The following UEVLD variants were observed in gnomAD, a reference collection of about 807,000 sequenced individuals.
The protein encoded by UEVLD is ubiquitin-conjugating enzyme E2 variant 3.
In UEVLD, 47 loss-of-function variants were observed where a neutral mutation model predicts 58.6. The observed-to-expected ratio is 0.80, with a 90% confidence interval of 0.63 to 1.02. The LOEUF (loss-of-function observed/expected upper bound fraction) is 1.02, where lower values mean the gene tolerates loss of function less well. UEVLD is among the 50% of genes least tolerant of loss of function. The probability of loss-of-function intolerance (pLI) is 0.00; values close to 1 mark genes in which losing one functional copy is unlikely to be tolerated. For missense variants in UEVLD, 510 were observed against 550.6 expected (o/e 0.93, Z 0.74); for synonymous variants, 197 against 195.3 (o/e 1.01, Z -0.07).
intron 9 of UEVLD, among the ~76,000 whole-genome samples, chr11:18,541,057 T>C (rs1161742500): frequency 6.6e-6 from 1 of 152,214 alleles, no homozygotes; most frequent in East Asian, 1.9e-4. Context: ...TATTAGATTG[T>C]TTTTTTCCTT....
chr11:18,541,322 A>G (rs984997668), intron 9 of UEVLD, among the ~76,000 whole-genome samples: 3 of 152,236 alleles, frequency 2.0e-5, no homozygotes, highest in African/African-American at 7.2e-5. Context: ...AATCATTGGT[A>G]AGTAAAAGGG....
chr11:18,547,509 G>A (rs1448151818), intron 7 of UEVLD, among the ~76,000 whole-genome samples: 1 of 152,176 alleles, frequency 6.6e-6, no homozygotes, highest in Non-Finnish European at 1.5e-5. Flanking sequence ...TCGTGACAGA[G>A]TGAGACTCTG....
intron 4 of UEVLD, among the ~76,000 whole-genome samples, chr11:18,567,299 G>A (rs1852347358): frequency 6.6e-6 from 1 of 152,130 alleles, no homozygotes; most frequent in Non-Finnish European, 1.5e-5. Context: ...AATCCCAAAT[G>A]GTTGTTATGA....
intron 1 of UEVLD, among the ~76,000 whole-genome samples, chr11:18,586,463 C>T (rs1853567591): frequency 6.6e-6 from 1 of 152,094 alleles, no homozygotes; most frequent in Non-Finnish European, 1.5e-5. Flanking sequence ...GTGATCTACC[C>T]GCCTCGGTCT....
At chr11:18,572,080 C>T (rs1295957908) in intron 3 of UEVLD, among the ~76,000 whole-genome samples, 1 of 151,792 alleles carries the variant, frequency 6.6e-6, no homozygotes, top group African/African-American at 2.4e-5. Flanking sequence ...ACTAAAAATA[C>T]AAAAAATTAG....
At position 18,570,265 on chromosome 11, in the gene UEVLD, A is replaced by T; in HGVS notation, c.306T>A (p.His102Gln). The change falls in exon 4 of 12, where the codon CAT becomes CAA. Residue 102 changes from histidine (H) to glutamine (Q), a missense_variant. His to Gln is a conservative substitution (Grantham distance 24). Transcript: ENST00000396197. ...AATATATTCTGCCTTGAGCATCCAC[A>T]TGTTTTCCGACTAAGATTCCCATAT... is the stretch of plus-strand genomic sequence containing the variant. The part of the protein sequence containing the change: ...TANMGILVGK[H>Q]VDAQGRIYLP... 1 of 1,607,062 alleles carries T rather than the reference A, an allele frequency of 6.2e-7. No homozygotes were observed. Among genetic ancestry groups the T allele is most frequent in the Non-Finnish European group, 8.5e-7 (1 of 1,177,712 alleles).
chr11:18,579,553 C>T, intron 1 of UEVLD: 2 of 944,640 alleles, frequency 2.1e-6, no homozygotes, highest in Non-Finnish European at 2.5e-6. Context: ...ACCTTCCTGG[C>T]ACTGCATCCT....
rs546060237 is a variant in UEVLD at position 18,544,642 on chromosome 11, G to A, written c.1041C>T (p.Gly347=). The change falls in exon 9 of 12, where the codon GGC becomes GGT. Residue 347 remains glycine (G), a synonymous_variant. Transcript: ENST00000396197. The stretch of plus-strand genomic sequence containing the variant: ...TCTTACCTTTGTCTTCTCCTTGCTC[G>A]CCAATAACCCATACTTCTTTGCCTG... ...QTSGKEVWVI[G]EQGEDKVLTW... is the part of the protein sequence containing the mutation. The A allele has an allele frequency of 1.0e-5, 16 of 1,592,798 alleles. No homozygotes were observed. Among genetic ancestry groups the A allele is most frequent in the Middle Eastern group, 1.7e-4 (1 of 6,016 alleles).
At chr11:18,585,432 C>A (rs1293406805) in intron 1 of UEVLD, among the ~76,000 whole-genome samples, 2 of 152,144 alleles carry the variant, frequency 1.3e-5, no homozygotes, top group Non-Finnish European at 2.9e-5. Flanking sequence ...ACTTGTCTCT[C>A]CATTCTCCTT....
chr11:18,532,560 C>T, intron 11 of UEVLD, 73 bp from the exon 12 acceptor site: 1 of 1,269,038 alleles, frequency 7.9e-7, no homozygotes, highest in East Asian at 2.7e-5. Flanking sequence ...TGCATACTTT[C>T]TTGCTTTCTT....
chr11:18,546,899 C>T lies in UEVLD; in HGVS notation c.867G>A (p.Leu289=), dbSNP rs1035019970. 1 of 1,613,480 alleles carries T rather than the reference C, an allele frequency of 6.2e-7. No homozygotes were observed. Among genetic ancestry groups the T allele is most frequent in the African/African-American group, 1.3e-5 (1 of 74,996 alleles). The change falls in exon 8 of 12, where the codon CTG becomes CTA. Residue 289 remains leucine, a synonymous_variant. Coordinates refer to ENST00000396197, the MANE Select transcript of UEVLD (RefSeq NM_001040697.4). Reference sequence around the variant, plus strand: ...TTTTACCTGGTTGAGATGCAACGAGCAGGACACTGTGTTGACTATAATGTC... The same window carrying T: ...TTTTACCTGGTTGAGATGCAACGAGTAGGACACTGTGTTGACTATAATGTC... ...ALGHYSQHSV[L]LVASQPVEIM...
intron 3 of UEVLD, among the ~76,000 whole-genome samples, chr11:18,573,030 G>A (rs985198256): frequency 6.6e-6 from 1 of 152,156 alleles, no homozygotes; most frequent in Non-Finnish European, 1.5e-5. Context: ...CATTCACACT[G>A]AGTTGATATA....
intron 9 of UEVLD, chr11:18,539,079 T>C (rs1173400389): frequency 9.6e-5 from 14 of 145,986 alleles, no homozygotes; most frequent in African/African-American, 3.5e-4. Context: ...TATAAGTTTT[T>C]TTTTTTTTTT....
At chr11:18,570,138 T>C (rs1852518673) in intron 4 of UEVLD, 76 bp downstream of exon 4, 21 of 1,397,590 alleles carry the variant, frequency 1.5e-5, no homozygotes, top group Non-Finnish European at 1.9e-5. Context: ...ATCATACTTA[T>C]TTGTACCAGC....
chr11:18,580,058 T>TG (rs1410322388), intron 1 of UEVLD, among the ~76,000 whole-genome samples: 1 of 128,084 alleles, frequency 7.8e-6, no homozygotes, highest in Non-Finnish European at 1.6e-5. Flanking sequence ...TTTTTTTTTT[T>TG]GGCAAAGATT....
chr11:18,582,733 T>C (rs1257167342), intron 1 of UEVLD, among the ~76,000 whole-genome samples: 1 of 152,164 alleles, frequency 6.6e-6, no homozygotes, highest in Non-Finnish European at 1.5e-5. Context: ...TAACATTCTC[T>C]AAAGAAATGT....
intron 3 of UEVLD, among the ~76,000 whole-genome samples, chr11:18,572,946 C>A (rs1334465242): frequency 6.6e-6 from 1 of 152,160 alleles, no homozygotes; most frequent in Admixed American, 6.6e-5. Context: ...GTGGGCTCTA[C>A]TATTGGCCCA....
intron 7 of UEVLD, among the ~76,000 whole-genome samples, chr11:18,549,223 T>G (rs770184217): frequency 1.5e-4 from 23 of 152,194 alleles, no homozygotes; most frequent in Non-Finnish European, 2.6e-4. Context: ...TACACCCTCA[T>G]AAGGATGAGG....
At chr11:18,551,395 C>A (rs1279548134) in intron 7 of UEVLD, among the ~76,000 whole-genome samples, 1 of 120,992 alleles carries the variant, frequency 8.3e-6, no homozygotes, top group Non-Finnish European at 1.9e-5. Context: ...TGCACCCCAA[C>A]CTGGGCAACC....
Sources: gnomAD v4.1 joint callset for allele counts (sites outside exome capture counted in the v4.1 genomes callset) on GRCh38, gnomAD v4.1.1 for gene constraint, MANE v1.5 for transcripts, NCBI Gene and HGNC (gene_info 2026-07-23, HGNC 2026-07-21) for gene names.